The following NXPH1 variants were observed in gnomAD, a reference collection of about 807,000 sequenced individuals.
The protein encoded by NXPH1 is neurexophilin-1.
A neutral mutation model predicts 23.7 loss-of-function variants in NXPH1; 5 were observed. That is an observed-to-expected ratio of 0.21 (90% CI 0.11 to 0.44). The LOEUF is 0.44. Ranked by LOEUF, NXPH1 falls within the 20% of genes least tolerant of loss-of-function variation. The probability of loss-of-function intolerance (pLI) is 0.99; values close to 1 mark genes in which losing one functional copy is unlikely to be tolerated. For synonymous variants in NXPH1, 144 were observed against 122.2 expected, an observed-to-expected ratio of 1.18 and a Z score of -1.18; for missense variants, 324 against 321.6, an observed-to-expected ratio of 1.01 and a Z score of -0.06.
chr7:8,678,668 C>T (rs1820994200), intron 2 of NXPH1, among the ~76,000 whole-genome samples: 2 of 152,056 alleles, frequency 1.3e-5, no homozygotes, highest in Admixed American at 1.3e-4. Flanking sequence ...GTCCGCAGAG[C>T]CTCCTGTTAA....
rs908416911 is a variant in NXPH1 at position 8,751,977 on chromosome 7, C to A, written c.*208C>A. ...CCCTCAGTATAATTGTAAATCATCA[C>A]AGATTTTGAATTCACACCTGAAGAC... On this transcript the variant is annotated 3_prime_UTR_variant, in exon 3 of 3. Coordinates refer to ENST00000405863, the MANE Select transcript of NXPH1 (RefSeq NM_152745.3). This position sits in a 1 kb window ranked among gnomAD's most constrained non-coding sequence, Gnocchi z 4.5. 8 of 546,982 alleles carry A rather than the reference C, an allele frequency of 1.5e-5. No individual in the cohort carries two copies. The South Asian group carries it at 1.6e-4, about 11-fold the overall frequency. The allele number at this position is 546,982 out of a possible 1,614,324, so 33.9% of individuals were successfully genotyped here.
At chr7:8,743,500 C>T (rs1014821358) in intron 2 of NXPH1, among the ~76,000 whole-genome samples, 21 of 151,866 alleles carry the variant, frequency 1.4e-4, no homozygotes, top group Non-Finnish European at 2.4e-4. Flanking sequence ...GGAGTGAAGT[C>T]GAGAAGTGGT....
chr7:8,618,001 A>T (rs1819781969), intron 2 of NXPH1, among the ~76,000 whole-genome samples: 1 of 152,126 alleles, frequency 6.6e-6, no homozygotes, highest in Admixed American at 6.6e-5. Context: ...TACATCTATT[A>T]TGTACCCACA....
At chr7:8,639,420 C>T (rs1820271214) in intron 2 of NXPH1, among the ~76,000 whole-genome samples, 1 of 151,930 alleles carries the variant, frequency 6.6e-6, no homozygotes, top group African/African-American at 2.4e-5. Flanking sequence ...CCACATTGTC[C>T]TCTAAAAGAG....
intron 2 of NXPH1, among the ~76,000 whole-genome samples, chr7:8,587,563 G>T (rs1226451353): frequency 6.6e-6 from 1 of 152,082 alleles, no homozygotes; most frequent in African/African-American, 2.4e-5. Flanking sequence ...GCATACACGT[G>T]TCATGGTGGT....
chr7:8,507,526 A>C (rs1403487442), intron 2 of NXPH1, among the ~76,000 whole-genome samples: 1 of 152,114 alleles, frequency 6.6e-6, no homozygotes, highest in Non-Finnish European at 1.5e-5. Flanking sequence ...CCGCATATAC[A>C]TCAAAATCAC....
At chr7:8,646,791 T>C (rs1273370300) in intron 2 of NXPH1, among the ~76,000 whole-genome samples, 1 of 152,114 alleles carries the variant, frequency 6.6e-6, no homozygotes, top group Non-Finnish European at 1.5e-5. Context: ...TTTATTTTTA[T>C]TTATGTTTAT....
intron 2 of NXPH1, among the ~76,000 whole-genome samples, chr7:8,636,277 A>G (rs897598132): frequency 1.3e-5 from 2 of 152,196 alleles, no homozygotes; most frequent in Admixed American, 1.3e-4. Flanking sequence ...TTTTTAAACA[A>G]AAGTTTAACT....
chr7:8,537,906 A>C (rs1178769769), intron 2 of NXPH1, among the ~76,000 whole-genome samples: 1 of 151,878 alleles, frequency 6.6e-6, no homozygotes, highest in African/African-American at 2.4e-5. Flanking sequence ...GAAAGAGACA[A>C]TTTAGAGATA....
chr7:8,682,219 T>A (rs1003913996), intron 2 of NXPH1, among the ~76,000 whole-genome samples: 2 of 152,194 alleles, frequency 1.3e-5, no homozygotes, highest in South Asian at 4.1e-4. Flanking sequence ...AATTCAGACC[T>A]CTATAAGTCT....
intron 2 of NXPH1, among the ~76,000 whole-genome samples, chr7:8,659,985 G>A (rs4720786): frequency 0.64 from 97,545 of 151,944 alleles, 32,042 homozygotes; most frequent in Middle Eastern, 0.77. Context: ...TGGTATTGGC[G>A]TCAAGTGTTT....
intron 2 of NXPH1, among the ~76,000 whole-genome samples, chr7:8,474,688 C>CA (rs1315548531): frequency 6.6e-6 from 1 of 152,122 alleles, no homozygotes; most frequent in Non-Finnish European, 1.5e-5. Context: ...TACTAACTCT[C>CA]AAGGTTTCAC....
In NXPH1 at chr7:8,584,932, T is replaced by C. The variant is rs1342812680; in HGVS notation, c.54+149165T>C. Among the ~76,000 whole-genome samples, 3 of 152,216 alleles carry C rather than the reference T, an allele frequency of 2.0e-5. No homozygotes were observed. The East Asian group carries it at 5.8e-4, about 29-fold the overall frequency. On this transcript the variant is annotated intron_variant, in intron 2 of 2. Transcript: ENST00000405863. ...TAGACTGACCACATAGGAATTGCTT[T>C]GGTAACCAGGACTATCGATATCTCT...
At chr7:8,515,195 T>C (rs1269841457) in intron 2 of NXPH1, among the ~76,000 whole-genome samples, 3 of 152,078 alleles carry the variant, frequency 2.0e-5, no homozygotes, top group Non-Finnish European at 4.4e-5. Context: ...TGGGGGATGA[T>C]TGTAAGTGAG....
At chr7:8,703,017 C>T (rs1024395627) in intron 2 of NXPH1, among the ~76,000 whole-genome samples, 1 of 152,076 alleles carries the variant, frequency 6.6e-6, no homozygotes, top group Non-Finnish European at 1.5e-5. Flanking sequence ...CAATAGAGGG[C>T]ACATGAGGAG....
chr7:8,589,416 G>A (rs896044304), intron 2 of NXPH1, among the ~76,000 whole-genome samples: 2 of 152,098 alleles, frequency 1.3e-5, no homozygotes, highest in African/African-American at 4.8e-5. Flanking sequence ...GAGAAAGTAA[G>A]TATGCACACC....
chr7:8,488,215 C>T (rs1035060409), intron 2 of NXPH1, among the ~76,000 whole-genome samples: 3 of 152,090 alleles, frequency 2.0e-5, no homozygotes, highest in Non-Finnish European at 4.4e-5. Context: ...TTACCACTAT[C>T]CCATACCATG....
In NXPH1 at chr7:8,705,434, C is replaced by T. The variant is rs1339517103; in HGVS notation, c.55-45574C>T. Among the ~76,000 whole-genome samples, 7 of 152,202 alleles carry T rather than the reference C, an allele frequency of 4.6e-5. No individual in the cohort carries two copies. In the East Asian group the frequency reaches 1.4e-3, roughly 29 times the overall value. ...TTTTCATCCCTGCCAGGACGGTGAA[C>T]CTAAAGTAGTACTGCAACCCTAGAG... On this transcript the variant is annotated intron_variant, in intron 2 of 2. Transcript: ENST00000405863.
chr7:8,715,781 AC>A (rs1285565602), intron 2 of NXPH1, among the ~76,000 whole-genome samples: 8 of 152,136 alleles, frequency 5.3e-5, no homozygotes, highest in African/African-American at 1.7e-4. Flanking sequence ...CGGGTGTGGG[AC>A]AGCAAACAGG....
Sources: allele counts gnomAD v4.1 joint callset (sites outside exome capture counted in the v4.1 genomes callset), GRCh38; gene constraint gnomAD v4.1.1; non-coding constraint Gnocchi (gnomAD v3.1); transcripts MANE v1.5; gene names NCBI Gene and HGNC (gene_info 2026-07-23, HGNC 2026-07-21).